GON4L: variants seen among roughly 807,000 people sequenced by gnomAD.
The protein encoded by GON4L is GON-4-like protein.
Under a neutral mutation model 211.8 loss-of-function variants are expected in GON4L, and 87 were observed. That is an observed-to-expected ratio of 0.41 (90% CI 0.35 to 0.49). GON4L has a LOEUF of 0.49. Among genes scored for constraint, GON4L ranks in the 20% least tolerant of loss-of-function variants. GON4L has a pLI of 0.15. For synonymous variants in GON4L, 875 were observed against 962.6 expected, an observed-to-expected ratio of 0.91 and a Z score of 1.68; for missense variants, 2,155 against 2,659.5, an observed-to-expected ratio of 0.81 and a Z score of 4.17.
Position 155,812,467 on chromosome 1 carries a change from T to A in GON4L, c.1452+1167A>T, listed in dbSNP as rs948355028. On this transcript the variant is annotated intron_variant, in intron 10 of 31. Coordinates refer to ENST00000368331, the MANE Select transcript of GON4L (RefSeq NM_001282860.2). ...TGAATGCTGAATAGGGAAAAAAAAA[T>A]TTTTTTCCTCCAACATAAAGGGCAT... is the stretch of plus-strand genomic sequence containing the variant. 2.6e-5 allele frequency among the ~76,000 whole-genome samples: 4 copies of A among 151,728 alleles called. No homozygotes were observed. In the East Asian group the frequency reaches 5.8e-4, roughly 22 times the overall value.
intron 10 of GON4L, among the ~76,000 whole-genome samples, chr1:155,807,730 A>AAG (rs1395575383): frequency 2.1e-3 from 302 of 143,876 alleles, no homozygotes; most frequent in African/African-American, 7.5e-3. Context: ...AAAAAAGAAA[A>AAG]TCAGAAAGTG....
Position 155,760,507 on chromosome 1 carries a change from C to A in GON4L, c.5046G>T (p.Trp1682Cys). 1.9e-6 allele frequency: 3 copies of A among 1,613,658 alleles called. No individual in the cohort carries two copies. The highest frequency in any genetic ancestry group is 2.5e-6 in the Non-Finnish European group (3 of 1,179,610). The change falls in exon 24 of 32, where the codon TGG becomes TGT. Residue 1682 changes from tryptophan (W) to cysteine (C), a missense_variant. Trp to Cys is a radical substitution (Grantham distance 215, BLOSUM62 -2). This residue lies in a region of GON4L where 455 missense variants were observed against 504.6 expected (regional missense o/e 0.90). Transcript: ENST00000368331. ...CAGCAAAGTCTTTCAACAGCTGAGG[C>A]CAGTCTTGGAGCAGAATTTGCAGGC... ...YKSLQILLQD[W>C]PQLLKDFAAF...
Position 155,765,642 on chromosome 1 carries a change from C to G in GON4L, c.3831G>C (p.Glu1277Asp). The G allele has an allele frequency of 6.2e-7, 1 of 1,614,216 alleles. No homozygotes were observed. The highest frequency in any genetic ancestry group is 8.5e-7 in the Non-Finnish European group (1 of 1,180,042). ...HSPGPPLADA[E>D]CQEGLSENSA... Reference sequence around the variant, plus strand: ...TATTCTCTGACAATCCTTCTTGGCACTCTGCATCTGCTAGTGGAGGCCCTG... The same window carrying G: ...TATTCTCTGACAATCCTTCTTGGCAGTCTGCATCTGCTAGTGGAGGCCCTG... Residue 1277 changes from glutamate (E) to aspartate (D), a missense_variant, in exon 21 of 32, where the codon GAG becomes GAC. By Grantham distance (45) the Glu-to-Asp change is conservative. Transcript: ENST00000368331.
intron 6 of GON4L, among the ~76,000 whole-genome samples, chr1:155,817,923 G>GAAA (rs749238086): frequency 2.7e-5 from 2 of 74,202 alleles, no homozygotes; most frequent in South Asian, 4.3e-4. Context: ...GCAAGTCACT[G>GAAA]AAAAAAAAAA....
chr1:155,762,259 C>T lies in GON4L; in HGVS notation c.4842G>A (p.Glu1614=). 6.2e-7 allele frequency: 1 copy of T among 1,612,860 alleles called. No homozygotes were observed. The highest frequency in any genetic ancestry group is 8.5e-7 in the Non-Finnish European group (1 of 1,179,470). Residue 1614 remains glutamate, a synonymous_variant, in exon 23 of 32, where the codon GAG becomes GAA. Transcript: ENST00000368331. The part of the protein sequence containing the change: ...DTSKLLLLYD[E]DILERDPLRE... ...TGAGTGGATCTCGCTCGAGAATGTC[C>T]TCATCATACAGCAACAGCAGCTTGG...
rs1239573163 is a variant in GON4L at position 155,798,037 on chromosome 1, C to T, written c.1646-2886G>A. On this transcript the variant is annotated intron_variant, in intron 11 of 31. Coordinates refer to ENST00000368331, the MANE Select transcript of GON4L (RefSeq NM_001282860.2). ...TTGAGGCTGCAGTGAGTCATGATCA[C>T]GCCACTGCACTCCAGCGAGGGTGAC... Among the ~76,000 whole-genome samples, 9 of 149,812 alleles carry T rather than the reference C, an allele frequency of 6.0e-5. 1 individual carries two copies. The highest frequency in any genetic ancestry group is 2.0e-4 in the African/African-American group (8 of 40,766).
At chr1:155,771,315 T>C in intron 18 of GON4L, 98 bp from the exon 19 acceptor site, 1 of 1,547,158 alleles carries the variant, frequency 6.5e-7, no homozygotes, top group Non-Finnish European at 8.9e-7. Flanking sequence ...TTTCATTTTT[T>C]TCTTGAGACA....
In GON4L at chr1:155,749,821, T is replaced by A; in HGVS notation, c.*763A>T. The stretch of plus-strand genomic sequence containing the variant: ...GGACAATACACCAAATTTGTTGAGT[T>A]TACAATCAAGTCTACTAAGGTTGGA... On this transcript the variant is annotated 3_prime_UTR_variant, in exon 32 of 32. Coordinates refer to ENST00000368331, the MANE Select transcript of GON4L (RefSeq NM_001282860.2). 7.0e-7 allele frequency: 1 copy of A among 1,435,590 alleles called. No individual in the cohort carries two copies. Among genetic ancestry groups the A allele is most frequent in the Non-Finnish European group, 9.4e-7 (1 of 1,068,014 alleles). 88.9% of individuals were successfully genotyped at this position (1,435,590 alleles called of 1,614,324 possible).
Position 155,822,433 on chromosome 1 carries a change from T to C in GON4L, c.741A>G (p.Lys247=), listed in dbSNP as rs757152418. The change falls in exon 4 of 32, where the codon AAA becomes AAG. Residue 247 remains lysine, a synonymous_variant. Coordinates refer to ENST00000368331, the MANE Select transcript of GON4L (RefSeq NM_001282860.2). ...NEESEKRRKK[K]KGTKRKRDGR... ...CATCTCGTTTCCTCTTGGTACCCTT[T>C]TTCTTTTTTCTCCTTTTCTCACTTT... 1.2e-6 allele frequency: 2 copies of C among 1,613,896 alleles called. No individual in the cohort carries two copies. Among genetic ancestry groups the C allele is most frequent in the African/African-American group, 1.3e-5 (1 of 74,932 alleles).
intron 10 of GON4L, among the ~76,000 whole-genome samples, chr1:155,812,659 GA>G (rs1355102824): frequency 1.3e-5 from 2 of 151,508 alleles, no homozygotes; most frequent in Non-Finnish European, 2.9e-5. Flanking sequence ...GGGTTCAAGC[GA>G]TTCTCCTGCC....
intron 2 of GON4L, among the ~76,000 whole-genome samples, chr1:155,834,817 T>TC (rs773147509): frequency 1.3e-5 from 2 of 152,036 alleles, no homozygotes; most frequent in Non-Finnish European, 2.9e-5. Flanking sequence ...CCATTAAAAA[T>TC]CCGCCCCTTC....
At chr1:155,803,421 T>C (rs1377846834) in intron 11 of GON4L, among the ~76,000 whole-genome samples, 4 of 152,056 alleles carry the variant, frequency 2.6e-5, no homozygotes, top group South Asian at 2.1e-4. Context: ...ATTTTTTTAT[T>C]TTTAGTAGAG....
intron 17 of GON4L, 26 bp from the exon 18 acceptor site, chr1:155,773,236 A>G (rs1188671297): frequency 6.2e-7 from 1 of 1,613,582 alleles, no homozygotes; most frequent in African/African-American, 1.3e-5. Flanking sequence ...TCTCGGATAA[A>G]TCAACTTCTA....
At chr1:155,778,418 A>G (rs976278495) in intron 14 of GON4L, among the ~76,000 whole-genome samples, 2 of 151,912 alleles carry the variant, frequency 1.3e-5, no homozygotes, top group African/African-American at 4.8e-5. Flanking sequence ...CGCCCAGCTA[A>G]TTTTTTGTAT....
At chr1:155,849,421 G>A (rs1343116631) in intron 2 of GON4L, among the ~76,000 whole-genome samples, 2 of 151,692 alleles carry the variant, frequency 1.3e-5, no homozygotes, top group African/African-American at 4.8e-5. Flanking sequence ...GCGGGCGCCT[G>A]TAGTCCCAGC....
intron 27 of GON4L, among the ~76,000 whole-genome samples, chr1:155,755,075 T>G (rs540318277): frequency 6.8e-6 from 1 of 147,548 alleles, no homozygotes; most frequent in African/African-American, 2.5e-5. Context: ...TAATTTTTTT[T>G]TTTTTTTTTT....
intron 21 of GON4L, 116 bp from the exon 22 acceptor site, chr1:155,763,680 G>T: frequency 1.1e-6 from 1 of 878,806 alleles, no homozygotes; most frequent in Non-Finnish European, 1.7e-6. Flanking sequence ...CACTACAGCT[G>T]TCCTGAGGGG....
In GON4L at chr1:155,752,421, G is replaced by T. The variant is rs1660696601; in HGVS notation, c.6012C>A (p.Arg2004=). 1 of 1,573,804 alleles carries T rather than the reference G, an allele frequency of 6.4e-7. No homozygotes were observed. Among genetic ancestry groups the T allele is most frequent in the Admixed American group, 1.9e-5 (1 of 52,526 alleles). The change falls in exon 30 of 32, where the codon CGC becomes CGA. Residue 2004 remains arginine (R), a synonymous_variant. Transcript: ENST00000368331. The part of the protein sequence containing the change: ...VKRNQVGPEV[R]SCPKASPRLQ... ...GTCTGGGGGATGCCTTGGGGCAGGA[G>T]CGAACCTCAGGCCCAACCTGGTTTC...
chr1:155,796,015 G>A (rs555678419), intron 11 of GON4L, among the ~76,000 whole-genome samples: 1 of 152,228 alleles, frequency 6.6e-6, no homozygotes, highest in Admixed American at 6.5e-5. Flanking sequence ...GAAAAAATCT[G>A]AAATCCAAAA....
Sources: allele counts gnomAD v4.1 joint callset (sites outside exome capture counted in the v4.1 genomes callset), GRCh38; gene constraint gnomAD v4.1.1; regional missense constraint gnomAD v4.1.1; transcripts MANE v1.5; gene names NCBI Gene and HGNC (gene_info 2026-07-23, HGNC 2026-07-21).